The following ARHGAP8 variants were observed in gnomAD, a reference collection of about 807,000 sequenced individuals.
ARHGAP8 encodes the protein rho GTPase-activating protein 8.
A neutral mutation model predicts 46.1 loss-of-function variants in ARHGAP8; 62 were observed. The ratio of observed to expected loss-of-function variants is 1.34; its 90% confidence interval spans 1.10 to 1.66. ARHGAP8 has a LOEUF of 1.66. ARHGAP8 is among the 40% of genes most tolerant of loss of function. The pLI is 0.00. For missense variants in ARHGAP8, 923 were observed against 568.4 expected (o/e 1.62, Z -6.34); for synonymous variants, 375 against 243.1 (o/e 1.54, Z -5.05).
chr22:44,855,969 G>A (rs1429496622), intron 10 of ARHGAP8, among the ~76,000 whole-genome samples: 1 of 152,198 alleles, frequency 6.6e-6, no homozygotes, highest in East Asian at 1.9e-4. Context: ...ATGACGGAGG[G>A]CAAAGGAGGA....
At chr22:44,807,521 G>A (rs1329040346) in intron 3 of ARHGAP8, among the ~76,000 whole-genome samples, 2 of 152,200 alleles carry the variant, frequency 1.3e-5, no homozygotes, top group Non-Finnish European at 2.9e-5. Flanking sequence ...GCAGCAGGCA[G>A]CCGGGTGTCT....
chr22:44,762,541 CTCTTT>C (rs1180095869), intron 1 of ARHGAP8, among the ~76,000 whole-genome samples: 1 of 128,768 alleles, frequency 7.8e-6, no homozygotes, highest in Non-Finnish European at 1.6e-5. Flanking sequence ...CTCTCTCTCT[CTCTTT>C]TTTTTTTTTT....
intron 5 of ARHGAP8, among the ~76,000 whole-genome samples, chr22:44,821,994 C>T (rs530906495): frequency 6.6e-6 from 1 of 152,380 alleles, no homozygotes; most frequent in South Asian, 2.1e-4. Flanking sequence ...AGGCTTCAAC[C>T]TCAGAGCTGC....
chr22:44,779,900 G>A (rs1926719088), intron 1 of ARHGAP8, among the ~76,000 whole-genome samples: 1 of 152,100 alleles, frequency 6.6e-6, no homozygotes, highest in Non-Finnish European at 1.5e-5. Flanking sequence ...CAACAGGGGG[G>A]TCCCTTGAAG....
At chr22:44,847,898 G>T in intron 8 of ARHGAP8, 75 bp from the exon 9 acceptor site, 1 of 1,573,076 alleles carries the variant, frequency 6.4e-7, no homozygotes, top group South Asian at 1.1e-5. Context: ...GCCGTGGGCA[G>T]GGGAGTGTCA....
intron 6 of ARHGAP8, among the ~76,000 whole-genome samples, chr22:44,824,864 C>T (rs1412120419): frequency 6.6e-6 from 1 of 151,982 alleles, no homozygotes; most frequent in Non-Finnish European, 1.5e-5. Flanking sequence ...AACTCCTAAC[C>T]TCAAGTGATC....
chr22:44,851,026 C>T (rs1328699924), intron 10 of ARHGAP8: 1 of 148,964 alleles, frequency 6.7e-6, no homozygotes, highest in Non-Finnish European at 1.5e-5. Context: ...AGATGAAAAT[C>T]ATCTACCACC....
chr22:44,765,753 A>C (rs1261694735), intron 1 of ARHGAP8: 1 of 152,436 alleles, frequency 6.6e-6, no homozygotes, highest in Non-Finnish European at 1.5e-5. Flanking sequence ...ACACATGACC[A>C]GCATGTGCCA....
intron 1 of ARHGAP8, among the ~76,000 whole-genome samples, chr22:44,759,104 G>A (rs974641830): frequency 5.9e-5 from 9 of 152,204 alleles, no homozygotes; most frequent in African/African-American, 2.2e-4. Context: ...CTGGAGTGTG[G>A]GTGGAACCAG....
At chr22:44,860,238 T>TAC (rs1217950092) in intron 11 of ARHGAP8, among the ~76,000 whole-genome samples, 1 of 151,620 alleles carries the variant, frequency 6.6e-6, no homozygotes, top group African/African-American at 2.4e-5. Context: ...CAGAACCACG[T>TAC]ACATTAAGTT....
chr22:44,853,121 C>G (rs2070138142), intron 10 of ARHGAP8, among the ~76,000 whole-genome samples: 1 of 151,454 alleles, frequency 6.6e-6, no homozygotes, highest in African/African-American at 2.4e-5. Context: ...TTTTTTTAGT[C>G]AGGAGAACAT....
At chr22:44,850,386 A>C (rs1194491737) in intron 10 of ARHGAP8, 13 of 80,216 alleles carry the variant, frequency 1.6e-4, no homozygotes, top group Admixed American at 1.3e-3. Flanking sequence ...TGGTGGAGAC[A>C]GAAGGAGGCA....
At chr22:44,773,662 A>G (rs1366978483) in intron 1 of ARHGAP8, among the ~76,000 whole-genome samples, 1 of 152,146 alleles carries the variant, frequency 6.6e-6, no homozygotes, top group Non-Finnish European at 1.5e-5. Flanking sequence ...GGCTCACTGC[A>G]TCCTCCGCCT....
At chr22:44,859,660 C>T (rs774010892) in intron 10 of ARHGAP8, 71 bp from the exon 11 acceptor site, 10 of 1,548,954 alleles carry the variant, frequency 6.5e-6, no homozygotes, top group African/African-American at 2.7e-5. Flanking sequence ...CCCCTGTTCT[C>T]CTCCCGGGCC....
intron 1 of ARHGAP8, among the ~76,000 whole-genome samples, chr22:44,764,789 G>A (rs531893829): frequency 6.6e-6 from 1 of 152,238 alleles, no homozygotes; most frequent in Non-Finnish European, 1.5e-5. Flanking sequence ...CAGGCCAACA[G>A]AATCAATAGC....
chr22:44,798,134 A>G (rs1928230301), intron 2 of ARHGAP8, among the ~76,000 whole-genome samples: 1 of 151,668 alleles, frequency 6.6e-6, no homozygotes, highest in African/African-American at 2.4e-5. Context: ...GCACCACCAC[A>G]CCCAGCTAAT....
chr22:44,814,878 C>A (rs980779389), intron 5 of ARHGAP8, 120 bp downstream of exon 5: 14 of 1,184,770 alleles, frequency 1.2e-5, no homozygotes, highest in Admixed American at 9.2e-5. Flanking sequence ...GCCTGTGTAT[C>A]TGGGGCTCCC....
intron 4 of ARHGAP8, among the ~76,000 whole-genome samples, chr22:44,812,212 C>T (rs1929383309): frequency 6.6e-6 from 1 of 152,086 alleles, no homozygotes; most frequent in Non-Finnish European, 1.5e-5. Flanking sequence ...GAGCTCCTGC[C>T]ATGGGTGGCA....
In ARHGAP8 at chr22:44,840,362, A is replaced by G. The variant is rs138078475; in HGVS notation, c.597-4907A>G. Among the ~76,000 whole-genome samples the G allele has an allele frequency of 4.7e-3, 708 of 152,150 alleles. 9 individuals are homozygous for G. The highest frequency in any genetic ancestry group is 0.016 in the African/African-American group (675 of 41,486). On this transcript the variant is annotated intron_variant, in intron 7 of 11. Coordinates refer to ENST00000356099, the MANE Select transcript of ARHGAP8 (RefSeq NM_181335.3). ...TCTCTTCTAGTTTCCAGAGGCGCCTATGCTCCTTGGCTCCCAGCCCTCCCT... is the reference window on the plus strand; with the variant it reads ...TCTCTTCTAGTTTCCAGAGGCGCCTGTGCTCCTTGGCTCCCAGCCCTCCCT...
Sources: allele counts gnomAD v4.1 joint callset (sites outside exome capture counted in the v4.1 genomes callset), GRCh38; gene constraint gnomAD v4.1.1; transcripts MANE v1.5; gene names NCBI Gene and HGNC (gene_info 2026-07-23, HGNC 2026-07-21).